Variants in SLIT2 observed in about 807,000 individuals in gnomAD.
SLIT2 encodes the protein slit homolog 2 protein.
In SLIT2, 41 loss-of-function variants were observed where a neutral mutation model predicts 185.7. The observed-to-expected ratio is 0.22, with a 90% CI of 0.17 to 0.29. The LOEUF is 0.29. Among genes scored for constraint, SLIT2 ranks in the 10% least tolerant of loss-of-function variants. The pLI is 1.00. For synonymous variants in SLIT2, 693 were observed against 680.2 expected, an observed-to-expected ratio of 1.02 and a Z score of -0.29; for missense variants, 1,571 against 1,909.0, an observed-to-expected ratio of 0.82 and a Z score of 3.30.
chr4:20,363,204 A>G (rs765954938), intron 4 of SLIT2, among the ~76,000 whole-genome samples: 22 of 152,262 alleles, frequency 1.4e-4, no homozygotes, highest in Non-Finnish European at 2.6e-4. Flanking sequence ...GAATACAAAT[A>G]TTTGTGATTT....
intron 5 of SLIT2, among the ~76,000 whole-genome samples, chr4:20,473,891 T>A (rs895565973): frequency 1.3e-5 from 2 of 152,050 alleles, no homozygotes; most frequent in African/African-American, 2.4e-5. Context: ...TAGGTCATAA[T>A]TGCAAAATGT....
chr4:20,409,805 A>C (rs1727065619), intron 4 of SLIT2, among the ~76,000 whole-genome samples: 1 of 151,814 alleles, frequency 6.6e-6, no homozygotes, highest in Non-Finnish European at 1.5e-5. Flanking sequence ...TCTAATTTGC[A>C]TTTCTCTAAT....
chr4:20,260,430 AT>A (rs1225585170), intron 3 of SLIT2, among the ~76,000 whole-genome samples: 2 of 151,872 alleles, frequency 1.3e-5, no homozygotes. Flanking sequence ...CTGAATAGTG[AT>A]TTAATTTTTA....
intron 11 of SLIT2, among the ~76,000 whole-genome samples, chr4:20,511,357 G>A (rs906980895): frequency 2.0e-5 from 3 of 149,688 alleles, no homozygotes; most frequent in African/African-American, 7.3e-5. Context: ...ATATTTTATA[G>A]TTTGATCATT....
chr4:20,587,947 A>C (rs780596187), intron 29 of SLIT2, among the ~76,000 whole-genome samples: 3 of 152,210 alleles, frequency 2.0e-5, no homozygotes, highest in African/African-American at 4.8e-5. Flanking sequence ...GTCCTTCTTT[A>C]CTATCAGTTT....
At chr4:20,464,275 A>G (rs1714098174) in intron 4 of SLIT2, among the ~76,000 whole-genome samples, 1 of 152,048 alleles carries the variant, frequency 6.6e-6, no homozygotes. Context: ...CCTAAATTCC[A>G]TTGCCAGTTT....
At chr4:20,474,637 G>A (rs1715902302) in intron 5 of SLIT2, among the ~76,000 whole-genome samples, 1 of 151,996 alleles carries the variant, frequency 6.6e-6, no homozygotes, top group Non-Finnish European at 1.5e-5. Flanking sequence ...TGGCTGCTGT[G>A]TCTTCTTATG....
chr4:20,462,641 T>C (rs1012175265), intron 4 of SLIT2, among the ~76,000 whole-genome samples: 1 of 152,218 alleles, frequency 6.6e-6, no homozygotes, highest in Non-Finnish European at 1.5e-5. Context: ...AACAGCTGTC[T>C]GCCCATTTTC....
chr4:20,580,297 T>G (rs1470079170), intron 29 of SLIT2, among the ~76,000 whole-genome samples: 1 of 151,400 alleles, frequency 6.6e-6, no homozygotes, highest in African/African-American at 2.4e-5. Context: ...CTCGGCCTCC[T>G]GTAGTGCTAG....
At chr4:20,526,018 T>C (rs1166752035) in intron 15 of SLIT2, among the ~76,000 whole-genome samples, 2 of 152,158 alleles carry the variant, frequency 1.3e-5, no homozygotes, top group African/African-American at 4.8e-5. Context: ...TCTTGACTTG[T>C]TTGTTTTAAA....
chr4:20,279,454 C>G (rs997560987), intron 4 of SLIT2, among the ~76,000 whole-genome samples: 1 of 152,174 alleles, frequency 6.6e-6, no homozygotes, highest in African/African-American at 2.4e-5. Flanking sequence ...TCTACTAAAG[C>G]TTTCTCAATG....
At chr4:20,545,686 G>A (rs1723186531) in intron 21 of SLIT2, among the ~76,000 whole-genome samples, 1 of 152,008 alleles carries the variant, frequency 6.6e-6, no homozygotes, top group East Asian at 1.9e-4. Flanking sequence ...GCAAGGTTTT[G>A]TTACTAGTTA....
chr4:20,515,733 C>A (rs556268077), intron 11 of SLIT2, among the ~76,000 whole-genome samples: 54 of 152,228 alleles, frequency 3.5e-4, no homozygotes, highest in Non-Finnish European at 6.0e-4. Context: ...AATAAAGTAT[C>A]TGCCCATAAC....
chr4:20,414,629 C>A (rs1431650663), intron 4 of SLIT2, among the ~76,000 whole-genome samples: 1 of 152,104 alleles, frequency 6.6e-6, no homozygotes, highest in Non-Finnish European at 1.5e-5. Flanking sequence ...TAGTATTTTT[C>A]TGAATGTAGA....
In SLIT2 at chr4:20,610,044, A is replaced by C; in HGVS notation, c.3724A>C (p.Ile1242Leu). The C allele has an allele frequency of 6.2e-7, 1 of 1,613,360 alleles. No individual in the cohort carries two copies. Among genetic ancestry groups the C allele is most frequent in the Non-Finnish European group, 8.5e-7 (1 of 1,179,604 alleles). ...VETINDGNFH[I>L]VELLALDQSL... ...GACAATCAATGATGGAAACTTCCAC[A>C]TTGTGGAACTACTTGCCTTGGATCA... The change falls in exon 34 of 37, where the codon ATT becomes CTT. Residue 1242 changes from isoleucine (I) to leucine (L), a missense_variant. Ile to Leu is a conservative substitution (Grantham distance 5). Transcript: ENST00000504154.
At position 20,616,984 on chromosome 4, in the gene SLIT2, A is replaced by G. The variant is rs780501393; in HGVS notation, c.3922A>G (p.Ile1308Val). Reference sequence around the variant, plus strand: ...GAACGGAACCAGCTTCCACGGCTGCATCCGGAACCTTTACATCAACAGTGA... The same window carrying G: ...GAACGGAACCAGCTTCCACGGCTGCGTCCGGAACCTTTACATCAACAGTGA... ...GQNGTSFHGCIRNLYINSELQ... is the reference protein window; with the variant it reads ...GQNGTSFHGCVRNLYINSELQ... Residue 1308 changes from isoleucine to valine, a missense_variant, in exon 35 of 37, where the codon ATC becomes GTC. By Grantham distance (29) the Ile-to-Val change is conservative (BLOSUM62 3). This residue lies in a region of SLIT2 where 146 missense variants were observed against 247.4 expected (regional missense o/e 0.59). Transcript: ENST00000504154. The G allele has an allele frequency of 1.2e-6, 2 of 1,614,110 alleles. No individual in the cohort carries two copies.
At chr4:20,327,283 C>T (rs143525520) in intron 4 of SLIT2, among the ~76,000 whole-genome samples, 2 of 152,086 alleles carry the variant, frequency 1.3e-5, no homozygotes, top group African/African-American at 4.8e-5. Flanking sequence ...AGAATGATAC[C>T]TTTCCCCTTC....
intron 34 of SLIT2, among the ~76,000 whole-genome samples, chr4:20,612,150 G>T (rs1380356661): frequency 6.6e-6 from 1 of 151,594 alleles, no homozygotes; most frequent in Admixed American, 6.6e-5. Flanking sequence ...GGCTGAGGAG[G>T]GAGGATCATG....
intron 26 of SLIT2, among the ~76,000 whole-genome samples, chr4:20,560,289 T>G (rs1424878407): frequency 1.3e-5 from 2 of 151,956 alleles, no homozygotes; most frequent in African/African-American, 4.8e-5. Context: ...AATTTAAATG[T>G]TTTTTTCTGC....
Sources: allele counts gnomAD v4.1 joint callset (sites outside exome capture counted in the v4.1 genomes callset), GRCh38; gene constraint gnomAD v4.1.1; regional missense constraint gnomAD v4.1.1; transcripts MANE v1.5; gene names NCBI Gene and HGNC (gene_info 2026-07-23, HGNC 2026-07-21).